LENG9: variants seen among roughly 807,000 people sequenced by gnomAD.
The protein encoded by LENG9 is leukocyte receptor cluster member 9, also known as leukocyte receptor cluster (LRC) member 9.
For synonymous variants in LENG9, 410 were observed against 303.9 expected (o/e 1.35, Z -3.63); for missense variants, 872 against 652.7 (o/e 1.34, Z -3.66).
Position 54,461,916 on chromosome 19 carries a change from C to T in LENG9, c.*174G>A, listed in dbSNP as rs2084590066. Reference sequence around the variant, plus strand: ...ATGTTCCTCCTCTGCCTCCCCTTCCCCTCCTCTCCCCTCCTTTTCCTTCCT... The same window carrying T: ...ATGTTCCTCCTCTGCCTCCCCTTCCTCTCCTCTCCCCTCCTTTTCCTTCCT... On this transcript the variant is annotated 3_prime_UTR_variant, in exon 1 of 1. Coordinates refer to ENST00000611161, the MANE Select transcript of LENG9 (RefSeq NM_001301782.2). The T allele has an allele frequency of 3.4e-6, 3 of 888,740 alleles. No individual in the cohort carries two copies. The highest frequency in any genetic ancestry group is 5.7e-6 in the Non-Finnish European group (3 of 522,518). 55.1% of individuals were successfully genotyped at this position (888,740 alleles called of 1,614,324 possible).
rs775674818 is a variant in LENG9 at position 54,463,101 on chromosome 19, G to A, written c.426C>T (p.Thr142=). The A allele has an allele frequency of 7.5e-6, 12 of 1,601,870 alleles. No homozygotes were observed. Among genetic ancestry groups the A allele is most frequent in the Non-Finnish European group, 3.4e-6 (4 of 1,179,214 alleles). ...CCGAGCCAGAGCCAAAGACGAGGTC[G>A]GTGCGCGAGGCGCGGTCCCACACAA... ...GRLVWDRASR[T]DLVFGSGSAA... The change falls in exon 1 of 1, where the codon ACC becomes ACT. Residue 142 remains threonine (T), a synonymous_variant. Transcript: ENST00000611161.
chr19:54,462,802 T>C lies in LENG9; in HGVS notation c.725A>G (p.Lys242Arg). 2.5e-6 allele frequency: 4 copies of C among 1,570,010 alleles called. No homozygotes were observed. The highest frequency in any genetic ancestry group is 3.4e-6 in the Non-Finnish European group (4 of 1,166,434). Residue 242 changes from lysine to arginine, a missense_variant, in exon 1 of 1, where the codon AAG becomes AGG. Lys to Arg is a conservative substitution (Grantham distance 26). Coordinates refer to ENST00000611161, the MANE Select transcript of LENG9 (RefSeq NM_001301782.2). Reference sequence around the variant, plus strand: ...TGTGGTCCTGGTGGCTGCTGTTGGCTTCAGTGCCTCAGTCACTCCGGCGAG... The same window carrying C: ...TGTGGTCCTGGTGGCTGCTGTTGGCCTCAGTGCCTCAGTCACTCCGGCGAG... ...GRLAGVTEAL[K>R]PTAATRTTLL...
Position 54,462,178 on chromosome 19 carries a change from C to T in LENG9, c.1349G>A (p.Gly450Glu). Residue 450 changes from glycine to glutamate, a missense_variant, in exon 1 of 1, where the codon GGG (glycine) becomes GAG (glutamate). Coordinates refer to ENST00000611161, the MANE Select transcript of LENG9 (RefSeq NM_001301782.2). ...KLEFTLSQEV[G>E]CQPLQTLWLC... ...CCAGAGTGTCTGCAGGGGCTGGCAC[C>T]CCACTTCCTGGCTGAGGGTGAACTC... 6.2e-7 allele frequency: 1 copy of T among 1,612,902 alleles called. No homozygotes were observed. Among genetic ancestry groups the T allele is most frequent in the Non-Finnish European group, 8.5e-7 (1 of 1,179,344 alleles).
In LENG9 at chr19:54,463,465, G is replaced by C; in HGVS notation, c.62C>G (p.Pro21Arg). 1 of 1,287,436 alleles carries C rather than the reference G, an allele frequency of 7.8e-7. No individual in the cohort carries two copies. Among genetic ancestry groups the C allele is most frequent in the Non-Finnish European group, 9.8e-7 (1 of 1,017,108 alleles). The allele number at this position is 1,287,436 out of a possible 1,614,324, so 79.8% of individuals were successfully genotyped here. ...QEAPATEPAP[P>R]PACRFFLEGR... Reference sequence around the variant, plus strand: ...TTCCAGGAAGAAGCGGCAGGCCGGCGGGGGCGCGGGTTCCGTGGCGGGGGC... The same window carrying C: ...TTCCAGGAAGAAGCGGCAGGCCGGCCGGGGCGCGGGTTCCGTGGCGGGGGC... Residue 21 changes from proline to arginine, a missense_variant, in exon 1 of 1, where the codon CCG (proline) becomes CGG (arginine). Coordinates refer to ENST00000611161, the MANE Select transcript of LENG9 (RefSeq NM_001301782.2).
In LENG9 at chr19:54,461,781, C is replaced by G. The variant is rs1340680210; in HGVS notation, c.*309G>C. ...GTGTTTATTTAAGTTATTTTTCTTC[C>G]TCCTCTCCCTTTTCTTTTTGGCCCT... On this transcript the variant is annotated 3_prime_UTR_variant, in exon 1 of 1. Transcript: ENST00000611161. The G allele has an allele frequency of 1.6e-6, 1 of 614,198 alleles. No individual in the cohort carries two copies. Among genetic ancestry groups the G allele is most frequent in the African/African-American group, 1.8e-5 (1 of 54,886 alleles). 38.0% of individuals were successfully genotyped at this position (614,198 alleles called of 1,614,324 possible). A position where few individuals can be genotyped will look rare whatever the true frequency, so the allele number is the denominator to read the frequency against.
Position 54,463,746 on chromosome 19 carries a change from T to C in LENG9, c.-220A>G. 2 of 540,984 alleles carry C rather than the reference T, an allele frequency of 3.7e-6. No individual in the cohort carries two copies. Among genetic ancestry groups the C allele is most frequent in the Non-Finnish European group, 5.6e-6 (2 of 357,180 alleles). 33.5% of individuals were successfully genotyped at this position (540,984 alleles called of 1,614,324 possible). ...GCTCTGGGACTTCCCGGCTGCGCCC[T>C]CCCCCAGCGCCAGGAAAGCAAGCTG... On this transcript the variant is annotated 5_prime_UTR_variant, in exon 1 of 1. Coordinates refer to ENST00000611161, the MANE Select transcript of LENG9 (RefSeq NM_001301782.2).
At position 54,463,753 on chromosome 19, in the gene LENG9, G is replaced by C; in HGVS notation, c.-227C>G. 2 of 523,136 alleles carry C rather than the reference G, an allele frequency of 3.8e-6. No individual in the cohort carries two copies. Among genetic ancestry groups the C allele is most frequent in the Non-Finnish European group, 5.9e-6 (2 of 340,816 alleles). The allele number at this position is 523,136 out of a possible 1,614,324, so 32.4% of individuals were successfully genotyped here. On this transcript the variant is annotated 5_prime_UTR_variant, in exon 1 of 1. Coordinates refer to ENST00000611161, the MANE Select transcript of LENG9 (RefSeq NM_001301782.2). ...GACTTCCCGGCTGCGCCCTCCCCCAGCGCCAGGAAAGCAAGCTGCGTAAAG... is the reference window on the plus strand; with the variant it reads ...GACTTCCCGGCTGCGCCCTCCCCCACCGCCAGGAAAGCAAGCTGCGTAAAG...
chr19:54,462,468 C>G lies in LENG9; in HGVS notation c.1059G>C (p.Glu353Asp), dbSNP rs752491625. 2.1e-5 allele frequency: 34 copies of G among 1,613,290 alleles called. No homozygotes were observed. In the East Asian group the frequency reaches 7.6e-4, roughly 36 times the overall value. The change falls in exon 1 of 1, where the codon GAG (glutamate) becomes GAC (aspartate). Residue 353 changes from glutamate to aspartate, a missense_variant. Physicochemically the swap from Glu to Asp is conservative, Grantham distance 45 (BLOSUM62 2). Coordinates refer to ENST00000611161, the MANE Select transcript of LENG9 (RefSeq NM_001301782.2). The stretch of plus-strand genomic sequence containing the variant: ...GTCTCAGAGCTCCAATGGCAGCGGC[C>G]TCCTCCCCAGCGCCTGCCAGTCGCA... Reference protein sequence around the residue: ...ALLRLAGAGEEAAAIGALRRA... With the variant: ...ALLRLAGAGEDAAAIGALRRA...
At position 54,463,111 on chromosome 19, in the gene LENG9, G is replaced by A; in HGVS notation, c.416C>T (p.Ala139Val). The A allele has an allele frequency of 6.2e-7, 1 of 1,600,546 alleles. No homozygotes were observed. Among genetic ancestry groups the A allele is most frequent in the Non-Finnish European group, 8.5e-7 (1 of 1,178,580 alleles). Reference sequence around the variant, plus strand: ...GCCAAAGACGAGGTCGGTGCGCGAGGCGCGGTCCCACACAAGGCGGCCACG... The same window carrying A: ...GCCAAAGACGAGGTCGGTGCGCGAGACGCGGTCCCACACAAGGCGGCCACG... ...RFRGRLVWDR[A>V]SRTDLVFGSG... Residue 139 changes from alanine (A) to valine (V), a missense_variant, in exon 1 of 1, where the codon GCC (alanine) becomes GTC (valine). By Grantham distance (64) the Ala-to-Val change is moderately conservative (BLOSUM62 0). Coordinates refer to ENST00000611161, the MANE Select transcript of LENG9 (RefSeq NM_001301782.2).
chr19:54,463,711 T>C lies in LENG9; in HGVS notation c.-185A>G. ...CCCAGTCCCTCCTTGGTGGAGAGCC[T>C]GACACCGCTGCTCTGGGACTTCCCG... On this transcript the variant is annotated 5_prime_UTR_variant, in exon 1 of 1. Coordinates refer to ENST00000611161, the MANE Select transcript of LENG9 (RefSeq NM_001301782.2). 2.6e-6 allele frequency: 2 copies of C among 762,348 alleles called. No individual in the cohort carries two copies. The highest frequency in any genetic ancestry group is 3.6e-5 in the East Asian group (1 of 27,762). 47.2% of individuals were successfully genotyped at this position (762,348 alleles called of 1,614,324 possible). A position where few individuals can be genotyped will look rare whatever the true frequency, so the allele number is the denominator to read the frequency against.
At position 54,463,257 on chromosome 19, in the gene LENG9, G is replaced by A. The variant is rs115795789; in HGVS notation, c.270C>T (p.Val90=). The change falls in exon 1 of 1, where the codon GTC becomes GTT. Residue 90 remains valine (V), a synonymous_variant. Transcript: ENST00000611161. ...LDPADFSVGY[V]DRFLGVREEP... is the part of the protein sequence containing the mutation. ...CCTCGCGCACACCCAGAAAGCGGTC[G>A]ACGTAGCCCACCGAGAAGTCGGCGG... is the stretch of plus-strand genomic sequence containing the variant. The A allele has an allele frequency of 7.8e-3, 11,943 of 1,540,398 alleles. 63 individuals are homozygous for A. Among genetic ancestry groups the A allele is most frequent in the Non-Finnish European group, 9.3e-3 (10,660 of 1,149,482 alleles).
In LENG9 at chr19:54,462,421, A is replaced by G. The variant is rs373355491; in HGVS notation, c.1106T>C (p.Leu369Pro). The G allele has an allele frequency of 6.2e-7, 1 of 1,613,294 alleles. No homozygotes were observed. The highest frequency in any genetic ancestry group is 8.5e-7 in the Non-Finnish European group (1 of 1,179,870). ...AAAGCTCAGCCGAGGGGGTGCATTTAGCCCCGGGGCCAAGAGGGCCCGTCT... is the reference window on the plus strand; with the variant it reads ...AAAGCTCAGCCGAGGGGGTGCATTTGGCCCCGGGGCCAAGAGGGCCCGTCT... Reference protein sequence around the residue: ...ALRRALLAPGLNAPPRLSFRK... With the variant: ...ALRRALLAPGPNAPPRLSFRK... The change falls in exon 1 of 1, where the codon CTA becomes CCA. Residue 369 changes from leucine to proline, a missense_variant. By Grantham distance (98) the Leu-to-Pro change is moderately conservative. Coordinates refer to ENST00000611161, the MANE Select transcript of LENG9 (RefSeq NM_001301782.2).
rs775260239 is a variant in LENG9 at position 54,463,237 on chromosome 19, C to T, written c.290G>A (p.Arg97His). 6.5e-7 allele frequency: 1 copy of T among 1,545,708 alleles called. No individual in the cohort carries two copies. Among genetic ancestry groups the T allele is most frequent in the Non-Finnish European group, 8.7e-7 (1 of 1,151,820 alleles). The change falls in exon 1 of 1, where the codon CGC (arginine) becomes CAC (histidine). Residue 97 changes from arginine (R) to histidine (H), a missense_variant. By Grantham distance (29) the Arg-to-His change is conservative. Coordinates refer to ENST00000611161, the MANE Select transcript of LENG9 (RefSeq NM_001301782.2). ...VGYVDRFLGV[R>H]EEPFSAFCWD... is the part of the protein sequence containing the mutation. The stretch of plus-strand genomic sequence containing the variant: ...GCAAAAGGCGCTGAAGGGCTCCTCG[C>T]GCACACCCAGAAAGCGGTCGACGTA...
rs747601099 is a variant in LENG9, at chr19:54,462,746, C to G, written c.781G>C (p.Gly261Arg). The G allele has an allele frequency of 6.2e-7, 1 of 1,611,206 alleles. No homozygotes were observed. The highest frequency in any genetic ancestry group is 1.1e-5 in the South Asian group (1 of 91,082). Residue 261 changes from glycine to arginine, a missense_variant, in exon 1 of 1, where the codon GGA becomes CGA. Physicochemically the swap from Gly to Arg is moderately radical, Grantham distance 125. Transcript: ENST00000611161. ...LLGGKEAQAL[G>R]VPGGSAETTE... is the part of the protein sequence containing the mutation. ...GTCTCAGCGGAGCCCCCCGGGACTCCCAGGGCCTGTGCTTCCTTGCCCCCC... is the reference window on the plus strand; with the variant it reads ...GTCTCAGCGGAGCCCCCCGGGACTCGCAGGGCCTGTGCTTCCTTGCCCCCC...
chr19:54,463,411 C>T lies in LENG9; in HGVS notation c.116G>A (p.Arg39His). 8.0e-7 allele frequency: 1 copy of T among 1,242,336 alleles called. No homozygotes were observed. The highest frequency in any genetic ancestry group is 1.0e-6 in the Non-Finnish European group (1 of 993,852). The allele number at this position is 1,242,336 out of a possible 1,614,324, so 77.0% of individuals were successfully genotyped here. Reference sequence around the variant, plus strand: ...CGCCGGCGCCCCAGGGTGGGGCTGGCGGCAGCGGGCGCCGAAGCGGCAGCG... The same window carrying T: ...CGCCGGCGCCCCAGGGTGGGGCTGGTGGCAGCGGGCGCCGAAGCGGCAGCG... ...EGRCRFGARC[R>H]QPHPGAPAPP... The change falls in exon 1 of 1, where the codon CGC (arginine) becomes CAC (histidine). Residue 39 changes from arginine to histidine, a missense_variant. Arg to His is a conservative substitution (Grantham distance 29). Coordinates refer to ENST00000611161, the MANE Select transcript of LENG9 (RefSeq NM_001301782.2).
rs770077201 is a variant in LENG9 at position 54,462,452 on chromosome 19, C to T, written c.1075G>A (p.Ala359Thr). 4 of 1,613,550 alleles carry T rather than the reference C, an allele frequency of 2.5e-6. No individual in the cohort carries two copies. Among genetic ancestry groups the T allele is most frequent in the Admixed American group, 1.7e-5 (1 of 60,030 alleles). ...GAGEEAAAIG[A>T]LRRALLAPGL... ...GGGGCCAAGAGGGCCCGTCTCAGAG[C>T]TCCAATGGCAGCGGCCTCCTCCCCA... The change falls in exon 1 of 1, where the codon GCT becomes ACT. Residue 359 changes from alanine to threonine, a missense_variant. Physicochemically the swap from Ala to Thr is moderately conservative, Grantham distance 58. Coordinates refer to ENST00000611161, the MANE Select transcript of LENG9 (RefSeq NM_001301782.2).
In LENG9 at chr19:54,463,654, G is replaced by C. The variant is rs1050012341; in HGVS notation, c.-128C>G. On this transcript the variant is annotated 5_prime_UTR_variant, in exon 1 of 1. Coordinates refer to ENST00000611161, the MANE Select transcript of LENG9 (RefSeq NM_001301782.2). ...GCCCGCGCTCCGGCCTAGCTCTGGG[G>C]ACCACGCCGCGTGCCCTCGCGAGGA... The C allele has an allele frequency of 5.8e-6, 7 of 1,210,564 alleles. No individual in the cohort carries two copies. The Admixed American group carries it at 3.0e-4, about 52-fold the overall frequency. 75.0% of individuals were successfully genotyped at this position (1,210,564 alleles called of 1,614,324 possible).
rs1258912037 is a variant in LENG9, at chr19:54,462,656, C to T, written c.871G>A (p.Ala291Thr). The T allele has an allele frequency of 1.9e-6, 3 of 1,612,810 alleles. No homozygotes were observed. The highest frequency in any genetic ancestry group is 1.7e-5 in the Admixed American group (1 of 60,024). ...TGTGTGGGGCGCGGTTGGCAAGGGGCTGCAACACTAAGGCGGGCCCTTTTG... is the reference window on the plus strand; with the variant it reads ...TGTGTGGGGCGCGGTTGGCAAGGGGTTGCAACACTAAGGCGGGCCCTTTTG... Reference protein sequence around the residue: ...EDKRARLSVAAPCQPRPTHFV... With the variant: ...EDKRARLSVATPCQPRPTHFV... The change falls in exon 1 of 1, where the codon GCC becomes ACC. Residue 291 changes from alanine (A) to threonine (T), a missense_variant. Physicochemically the swap from Ala to Thr is moderately conservative, Grantham distance 58 (BLOSUM62 0). Coordinates refer to ENST00000611161, the MANE Select transcript of LENG9 (RefSeq NM_001301782.2).
Position 54,462,016 on chromosome 19 carries a change from G to C in LENG9, c.*74C>G. ...CCAAAATTAAAGAGAGAAAGAGAGA[G>C]CGTGCACGCTCCTGCTTTGTCTTTC... On this transcript the variant is annotated 3_prime_UTR_variant, in exon 1 of 1. Coordinates refer to ENST00000611161, the MANE Select transcript of LENG9 (RefSeq NM_001301782.2). 2 of 1,466,210 alleles carry C rather than the reference G, an allele frequency of 1.4e-6. No homozygotes were observed. Among genetic ancestry groups the C allele is most frequent in the Non-Finnish European group, 1.9e-6 (2 of 1,077,352 alleles). The allele number at this position is 1,466,210 out of a possible 1,614,324, so 90.8% of individuals were successfully genotyped here. A position where few individuals can be genotyped will look rare whatever the true frequency, so the allele number is the denominator to read the frequency against.
Sources: gnomAD v4.1 joint callset for allele counts on GRCh38, gnomAD v4.1.1 for gene constraint, MANE v1.5 for transcripts, NCBI Gene and HGNC (gene_info 2026-07-23, HGNC 2026-07-21) for gene names.